The following UBE3A variants were observed in gnomAD, a reference collection of about 807,000 sequenced individuals.
UBE3A encodes ubiquitin protein ligase E3A.
UBE3A carries 6 observed loss-of-function variants against 83.4 expected under a neutral mutation model. The observed-to-expected ratio is 0.07, with a 90% CI of 0.04 to 0.14. UBE3A has a LOEUF of 0.14. Ranked by LOEUF, UBE3A falls within the 10% of genes least tolerant of loss-of-function variation. The pLI is 1.00. For synonymous variants in UBE3A, 337 were observed against 355.4 expected (o/e 0.95, Z 0.58); for missense variants, 456 against 1,036.1 (o/e 0.44, Z 7.69).
At chr15:25,393,070 A>T (rs1393379400) in intron 4 of UBE3A, among the ~76,000 whole-genome samples, 1 of 152,202 alleles carries the variant, frequency 6.6e-6, no homozygotes, top group Non-Finnish European at 1.5e-5. Context: ...AGGTTAAGTG[A>T]CTGACAAAAT....
chr15:25,405,616 C>G, intron 3 of UBE3A, 114 bp from the exon 4 acceptor site: 1 of 1,137,036 alleles, frequency 8.8e-7, no homozygotes, highest in Non-Finnish European at 1.3e-6. Flanking sequence ...CTAAATAAAA[C>G]AGTTTTAAAA....
intron 4 of UBE3A, among the ~76,000 whole-genome samples, chr15:25,401,231 G>A (rs1373418642): frequency 6.6e-6 from 1 of 152,076 alleles, no homozygotes; most frequent in Admixed American, 6.5e-5. Context: ...CAGAATTTCT[G>A]CATCTAAATT....
At chr15:25,420,868 C>G (rs147932302) in intron 1 of UBE3A, 1 of 152,270 alleles carries the variant, frequency 6.6e-6, no homozygotes, top group African/African-American at 2.4e-5. Context: ...ATGTTCATAG[C>G]AGCATCATTC....
intron 1 of UBE3A, among the ~76,000 whole-genome samples, chr15:25,420,378 C>T (rs1889185032): frequency 6.6e-6 from 1 of 151,982 alleles, no homozygotes; most frequent in Non-Finnish European, 1.5e-5. Flanking sequence ...AAAAAATGAA[C>T]AGAGCAGAAG....
At chr15:25,345,566 T>TCACACACACACACACACACACACA (rs57252199) in intron 11 of UBE3A, 11 of 148,394 alleles carry the variant, frequency 7.4e-5, no homozygotes, top group South Asian at 4.3e-4. Context: ...CTCATTTCAC[T>TCACACACACACACACACACACACA]CACACACACA....
At position 25,423,593 on chromosome 15, in the gene UBE3A, G is replaced by A. The variant is rs533763119; in HGVS notation, c.-164-11622C>T. On this transcript the variant is annotated intron_variant, in intron 1 of 12. Transcript: ENST00000648336. ...ATTGAGAGAACACATCAGATTTAGAGTATTCCATCTCAGGTTTCTCAAGGA... is the reference window on the plus strand; with the variant it reads ...ATTGAGAGAACACATCAGATTTAGAATATTCCATCTCAGGTTTCTCAAGGA... Among the ~76,000 whole-genome samples, 32 of 152,272 alleles carry A rather than the reference G, an allele frequency of 2.1e-4. No homozygotes were observed. The South Asian group carries it at 6.2e-3, about 30-fold the overall frequency.
At chr15:25,434,269 T>C (rs536257321) in intron 1 of UBE3A, among the ~76,000 whole-genome samples, 1 of 152,216 alleles carries the variant, frequency 6.6e-6, no homozygotes, top group Admixed American at 6.5e-5. Context: ...TGTGTATTAA[T>C]AAGTCATTTG....
chr15:25,357,044 G>T, intron 7 of UBE3A, 148 bp from the exon 8 acceptor site: 1 of 687,762 alleles, frequency 1.5e-6, no homozygotes, highest in Non-Finnish European at 2.4e-6. Flanking sequence ...TATTATATTA[G>T]CACTTGAGAA....
intron 11 of UBE3A, among the ~76,000 whole-genome samples, chr15:25,352,637 G>A (rs2076673570): frequency 6.6e-6 from 1 of 152,224 alleles, no homozygotes; most frequent in Non-Finnish European, 1.5e-5. Flanking sequence ...TATCTGCAAA[G>A]TGCAATAAAG....
chr15:25,353,594 ATT>A (rs1019447553), intron 11 of UBE3A, among the ~76,000 whole-genome samples: 1 of 152,166 alleles, frequency 6.6e-6, no homozygotes, highest in Non-Finnish European at 1.5e-5. Flanking sequence ...TAAAAATAAC[ATT>A]TATTGCTAGA....
At position 25,336,937 on chromosome 15, in the gene UBE3A, T is replaced by C. The variant is rs1369711585; in HGVS notation, c.*2200A>G. ...TAGTCAAAATGTCTATGTTTTGCTC[T>C]TCCTTATTGTTCAGGGACATTCCAT... On this transcript the variant is annotated 3_prime_UTR_variant, in exon 13 of 13. Coordinates refer to ENST00000648336, the MANE Select transcript of UBE3A (RefSeq NM_130839.5). 2 of 152,296 alleles carry C rather than the reference T, an allele frequency of 1.3e-5. No homozygotes were observed. The highest frequency in any genetic ancestry group is 1.9e-4 in the East Asian group (1 of 5,166). The allele number at this position is 152,296 out of a possible 1,614,324, so 9.4% of individuals were successfully genotyped here. A position where few individuals can be genotyped will look rare whatever the true frequency, so the allele number is the denominator to read the frequency against.
chr15:25,428,249 AAT>A (rs1170235161), intron 1 of UBE3A, among the ~76,000 whole-genome samples: 1 of 152,220 alleles, frequency 6.6e-6, no homozygotes, highest in Non-Finnish European at 1.5e-5. Flanking sequence ...TTAAAAATTC[AAT>A]ACTTAATGCT....
At chr15:25,366,776 C>CA (rs1031533945) in intron 6 of UBE3A, among the ~76,000 whole-genome samples, 1 of 151,984 alleles carries the variant, frequency 6.6e-6, no homozygotes, top group Non-Finnish European at 1.5e-5. Context: ...CACACATAAA[C>CA]ACACATGCAC....
chr15:25,372,719 CT>C (rs1444576833), intron 5 of UBE3A, among the ~76,000 whole-genome samples: 2 of 152,152 alleles, frequency 1.3e-5, no homozygotes, highest in African/African-American at 4.8e-5. Context: ...CAACATAATA[CT>C]GAGAATAGTC....
At chr15:25,348,586 T>G (rs2076055149) in intron 11 of UBE3A, among the ~76,000 whole-genome samples, 1 of 152,156 alleles carries the variant, frequency 6.6e-6, no homozygotes, top group African/African-American at 2.4e-5. Context: ...CCCTATGAAA[T>G]CTACTAAATA....
At chr15:25,401,670 T>C (rs928451197) in intron 4 of UBE3A, among the ~76,000 whole-genome samples, 1 of 152,234 alleles carries the variant, frequency 6.6e-6, no homozygotes, top group Non-Finnish European at 1.5e-5. Flanking sequence ...TGATTTAACT[T>C]GAGTCATCTC....
intron 1 of UBE3A, among the ~76,000 whole-genome samples, chr15:25,424,922 T>A (rs1890890195): frequency 6.6e-6 from 1 of 152,126 alleles, no homozygotes; most frequent in South Asian, 2.1e-4. Context: ...AGTATTAAGG[T>A]AGCAATACTT....
intron 1 of UBE3A, among the ~76,000 whole-genome samples, chr15:25,416,826 A>T (rs1392943932): frequency 6.6e-6 from 1 of 151,940 alleles, no homozygotes; most frequent in African/African-American, 2.4e-5. Flanking sequence ...AAAGGACAAA[A>T]ACAAAGGAGG....
At chr15:25,379,736 G>C (rs1391158115) in intron 4 of UBE3A, among the ~76,000 whole-genome samples, 1 of 152,034 alleles carries the variant, frequency 6.6e-6, no homozygotes, top group Non-Finnish European at 1.5e-5. Flanking sequence ...GTACCATATG[G>C]GTCACCAAAT....
Sources: gnomAD v4.1 joint callset for allele counts (sites outside exome capture counted in the v4.1 genomes callset) on GRCh38, gnomAD v4.1.1 for gene constraint, MANE v1.5 for transcripts, NCBI Gene and HGNC (gene_info 2026-07-23, HGNC 2026-07-21) for gene names.